Variants in CYSTM1 observed in about 807,000 individuals in gnomAD.
CYSTM1 encodes cysteine rich transmembrane module containing 1, also known as cysteine-rich transmembrane module-containing protein 1.
Under a neutral mutation model 13.1 loss-of-function variants are expected in CYSTM1, and 4 were observed. The ratio of observed to expected loss-of-function variants is 0.31; its 90% CI spans 0.15 to 0.70. CYSTM1 has a LOEUF of 0.70. Ranked by LOEUF, CYSTM1 falls within the 30% of genes least tolerant of loss-of-function variation. The pLI is 0.72. For synonymous variants in CYSTM1, 36 were observed against 42.7 expected (o/e 0.84, Z 0.62); for missense variants, 96 against 121.6 (o/e 0.79, Z 0.99).
chr5:140,242,281 T>C (rs1452267489), intron 2 of CYSTM1, among the ~76,000 whole-genome samples: 2 of 151,802 alleles, frequency 1.3e-5, no homozygotes, highest in African/African-American at 2.4e-5. Flanking sequence ...ACCTGGAAAA[T>C]CTCCCTACTA....
At chr5:140,202,737 T>C (rs1447685658) in intron 2 of CYSTM1, 1 of 152,220 alleles carries the variant, frequency 6.6e-6, no homozygotes, top group Admixed American at 6.5e-5. Flanking sequence ...GCCAGTGCTT[T>C]AGAAGGGAGA....
In CYSTM1 at chr5:140,189,132, A is replaced by T. The variant is rs532136775; in HGVS notation, c.-20-5314A>T. Among the ~76,000 whole-genome samples the T allele has an allele frequency of 1.6e-4, 24 of 152,164 alleles. 1 individual carries two copies. The South Asian group carries it at 4.6e-3, about 29-fold the overall frequency. Reference sequence around the variant, plus strand: ...GGAATCACAGAATGATATAGTTTGGATATTTGTCCTCTCCAGATCTCATCT... The same window carrying T: ...GGAATCACAGAATGATATAGTTTGGTTATTTGTCCTCTCCAGATCTCATCT... On this transcript the variant is annotated intron_variant, in intron 1 of 2. Coordinates refer to ENST00000261811, the MANE Select transcript of CYSTM1 (RefSeq NM_032412.4).
At position 140,228,849 on chromosome 5, in the gene CYSTM1, C is replaced by T. The variant is rs577216598; in HGVS notation, c.188-14456C>T. 3.8e-5 allele frequency: 15 copies of T among 398,790 alleles called. No homozygotes were observed. The South Asian group carries it at 8.9e-4, about 24-fold the overall frequency. The allele number at this position is 398,790 out of a possible 1,614,324, so 24.7% of individuals were successfully genotyped here. A position where few individuals can be genotyped will look rare whatever the true frequency, so the allele number is the denominator to read the frequency against. ...CAACTTGAACTGAGCAGCTAAGATC[C>T]GAGTATTTCCCTACAGCCCTGCTAC... On this transcript the variant is annotated intron_variant, in intron 2 of 2. Coordinates refer to ENST00000261811, the MANE Select transcript of CYSTM1 (RefSeq NM_032412.4).
chr5:140,211,886 G>T (rs1318465599), intron 2 of CYSTM1, among the ~76,000 whole-genome samples: 1 of 152,218 alleles, frequency 6.6e-6, no homozygotes, highest in Non-Finnish European at 1.5e-5. Context: ...GGCAGAGGTT[G>T]CAGTGAGCCA....
At chr5:140,212,006 T>A (rs1764373650) in intron 2 of CYSTM1, among the ~76,000 whole-genome samples, 1 of 152,150 alleles carries the variant, frequency 6.6e-6, no homozygotes, top group South Asian at 2.1e-4. Context: ...AAATAAATAT[T>A]ACCATTTCTA....
chr5:140,206,882 G>C (rs763550568), intron 2 of CYSTM1, among the ~76,000 whole-genome samples: 1 of 151,988 alleles, frequency 6.6e-6, no homozygotes, highest in Non-Finnish European at 1.5e-5. Flanking sequence ...TGATCTGCCC[G>C]CCTCAGACTC....
intron 2 of CYSTM1, among the ~76,000 whole-genome samples, chr5:140,231,637 A>C (rs937583429): frequency 6.6e-6 from 1 of 152,280 alleles, no homozygotes; most frequent in African/African-American, 2.4e-5. Flanking sequence ...GGCACAGTCC[A>C]AGAAGGCTTC....
At chr5:140,188,125 G>C (rs1764044745) in intron 1 of CYSTM1, among the ~76,000 whole-genome samples, 1 of 146,222 alleles carries the variant, frequency 6.8e-6, no homozygotes. Context: ...GCCCAGACTA[G>C]AGTGTAGTGT....
chr5:140,191,146 G>T (rs37355), intron 1 of CYSTM1, among the ~76,000 whole-genome samples: 2 of 152,068 alleles, frequency 1.3e-5, no homozygotes, highest in African/African-American at 4.8e-5. Flanking sequence ...TCCTGCACAC[G>T]TGCTCTTTCT....
chr5:140,178,441 C>CTTTTTTTT lies in CYSTM1; in HGVS notation c.-21+3174_-21+3181dup, dbSNP rs577709524. 5.3e-4 allele frequency among the ~76,000 whole-genome samples: 28 copies of CTTTTTTTT among 52,666 alleles called. 1 individual carries two copies. Among genetic ancestry groups the CTTTTTTTT allele is most frequent in the African/African-American group, 2.3e-3 (27 of 11,822 alleles). 34.6% of individuals were successfully genotyped at this position (52,666 alleles called of 152,430 possible). Reference sequence around the variant, plus strand: ...TGGAAAAGCCCTATTCAAGTCCTTCCTTTTTTTTTTTTTTTTTTTTTTTTT... The same window carrying CTTTTTTTT: ...TGGAAAAGCCCTATTCAAGTCCTTCCTTTTTTTTTTTTTTTTTTTTTTTTTTTTTTTTT... On this transcript the variant is annotated intron_variant, in intron 1 of 2. Coordinates refer to ENST00000261811, the MANE Select transcript of CYSTM1 (RefSeq NM_032412.4).
chr5:140,226,587 TA>T (rs1764558523), intron 2 of CYSTM1, among the ~76,000 whole-genome samples: 4 of 22,706 alleles, frequency 1.8e-4, no homozygotes, highest in Non-Finnish European at 9.4e-5. Flanking sequence ...TACTAAATAT[TA>T]TATATATATA....
chr5:140,218,081 G>C (rs1764452898), intron 2 of CYSTM1, among the ~76,000 whole-genome samples: 1 of 152,202 alleles, frequency 6.6e-6, no homozygotes, highest in African/African-American at 2.4e-5. Context: ...GCTCCAGCTA[G>C]CCGATATGGT....
chr5:140,226,506 A>G (rs1404764011), intron 2 of CYSTM1, among the ~76,000 whole-genome samples: 9 of 81,082 alleles, frequency 1.1e-4, no homozygotes, highest in Non-Finnish European at 2.3e-4. Context: ...ATATATATAA[A>G]TATATATTAA....
chr5:140,178,447 T>TTTTTTTTTTTTTTTTTTTTC (rs1763918966), intron 1 of CYSTM1, among the ~76,000 whole-genome samples: 1 of 141,998 alleles, frequency 7.0e-6, no homozygotes. Flanking sequence ...CTTCCTTTTT[T>TTTTTTTTTTTTTTTTTTTTC]TTTTTTTTTT....
At chr5:140,197,791 G>T (rs560825834) in intron 2 of CYSTM1, among the ~76,000 whole-genome samples, 1 of 38,932 alleles carries the variant, frequency 2.6e-5, no homozygotes, top group South Asian at 4.1e-4. Context: ...TGGATACATA[G>T]GTAGAAATGG....
intron 1 of CYSTM1, among the ~76,000 whole-genome samples, chr5:140,177,068 C>CAAAAAAAAAAAAAAAAA (rs1161281232): frequency 1.1e-5 from 1 of 87,942 alleles, no homozygotes; most frequent in African/African-American, 4.3e-5. Flanking sequence ...GACTCTGTCT[C>CAAAAAAAAAAAAAAAAA]AAAAAAAAAA....
intron 1 of CYSTM1, among the ~76,000 whole-genome samples, chr5:140,193,748 G>C (rs763374164): frequency 6.6e-6 from 1 of 152,218 alleles, no homozygotes; most frequent in South Asian, 2.1e-4. Flanking sequence ...TGGAGGACAG[G>C]GTCCTGTAAA....
At chr5:140,214,734 C>A (rs1030432374) in intron 2 of CYSTM1, among the ~76,000 whole-genome samples, 3 of 152,156 alleles carry the variant, frequency 2.0e-5, no homozygotes, top group Non-Finnish European at 2.9e-5. Context: ...GAAAAGAAGA[C>A]TACTTTGGGT....
At chr5:140,202,750 G>A (rs1764248254) in intron 2 of CYSTM1, 1 of 152,228 alleles carries the variant, frequency 6.6e-6, no homozygotes, top group Admixed American at 6.5e-5. Flanking sequence ...AAGGGAGAAA[G>A]GGGTGGGAGC....
Sources: gnomAD v4.1 joint callset for allele counts (sites outside exome capture counted in the v4.1 genomes callset) on GRCh38, gnomAD v4.1.1 for gene constraint, MANE v1.5 for transcripts, NCBI Gene and HGNC (gene_info 2026-07-23, HGNC 2026-07-21) for gene names.